The following PTK2B variants were observed in gnomAD, a reference collection of about 807,000 sequenced individuals.
PTK2B encodes protein-tyrosine kinase 2-beta.
A neutral mutation model predicts 142.9 loss-of-function variants in PTK2B; 71 were observed. The observed-to-expected ratio is 0.50, with a 90% CI of 0.41 to 0.61. The LOEUF (loss-of-function observed/expected upper bound fraction) is 0.61, where lower values mean the gene tolerates loss of function less well. PTK2B is among the 20% of genes least tolerant of loss of function. The probability of loss-of-function intolerance (pLI) is 0.00; values close to 1 mark genes in which losing one functional copy is unlikely to be tolerated. For synonymous variants in PTK2B, 519 were observed against 503.4 expected, an observed-to-expected ratio of 1.03 and a Z score of -0.42; for missense variants, 1,105 against 1,320.4, an observed-to-expected ratio of 0.84 and a Z score of 2.53.
intron 24 of PTK2B, 78 bp downstream of exon 24, chr8:27,445,997 C>A: frequency 6.3e-7 from 1 of 1,581,560 alleles, no homozygotes; most frequent in Non-Finnish European, 8.6e-7. Flanking sequence ...CACTGGAAAC[C>A]CCACGTCCTC....
intron 27 of PTK2B, chr8:27,452,074 G>A (rs1811852113): frequency 6.5e-6 from 1 of 153,550 alleles, no homozygotes; most frequent in Non-Finnish European, 1.5e-5. Context: ...ATGGGCCTGG[G>A]ACCATTTATT....
At chr8:27,338,545 A>G (rs1305268479) in intron 1 of PTK2B, among the ~76,000 whole-genome samples, 1 of 152,230 alleles carries the variant, frequency 6.6e-6, no homozygotes, top group East Asian at 1.9e-4. Context: ...CTATGGAAAG[A>G]AAGAAAGAAA....
intron 2 of PTK2B, among the ~76,000 whole-genome samples, chr8:27,408,459 C>T (rs1453204588): frequency 6.6e-6 from 1 of 152,242 alleles, no homozygotes; most frequent in Admixed American, 6.5e-5. Flanking sequence ...CATATTTCTA[C>T]ATGACTGTCC....
At chr8:27,389,287 G>A (rs369175040) in intron 1 of PTK2B, among the ~76,000 whole-genome samples, 23 of 152,134 alleles carry the variant, frequency 1.5e-4, no homozygotes, top group South Asian at 8.3e-4. Context: ...AAAGGAGGGA[G>A]GGAGGGAAGG....
At chr8:27,327,463 C>T (rs956262115) in intron 1 of PTK2B, among the ~76,000 whole-genome samples, 3 of 152,064 alleles carry the variant, frequency 2.0e-5, no homozygotes, top group Admixed American at 1.3e-4. Context: ...CATACTTATA[C>T]TCAAACATTA....
At chr8:27,453,258 C>A in intron 28 of PTK2B, 98 bp downstream of exon 28, 1 of 1,512,230 alleles carries the variant, frequency 6.6e-7, no homozygotes, top group African/African-American at 1.4e-5. Context: ...CAGATAGAAT[C>A]CAGTTCAGTG....
intron 1 of PTK2B, among the ~76,000 whole-genome samples, chr8:27,331,030 TTC>T (rs1803714706): frequency 6.6e-6 from 1 of 152,132 alleles, no homozygotes; most frequent in Non-Finnish European, 1.5e-5. Context: ...CCCTCTCCAG[TTC>T]TCTCTCTTCC....
intron 3 of PTK2B, among the ~76,000 whole-genome samples, chr8:27,316,509 A>G (rs974389885): frequency 6.6e-6 from 1 of 152,272 alleles, no homozygotes; most frequent in African/African-American, 2.4e-5. Flanking sequence ...TTAATATCAG[A>G]CAAAGCAGAT....
At chr8:27,418,625 G>A (rs1049730563) in intron 2 of PTK2B, among the ~76,000 whole-genome samples, 1 of 152,212 alleles carries the variant, frequency 6.6e-6, no homozygotes, top group Non-Finnish European at 1.5e-5. Flanking sequence ...ACAGAGATAC[G>A]TCGGTGCCTT....
intron 24 of PTK2B, among the ~76,000 whole-genome samples, chr8:27,447,317 A>G (rs548177697): frequency 6.6e-6 from 1 of 152,362 alleles, no homozygotes; most frequent in South Asian, 2.1e-4. Flanking sequence ...TATAAGCTCC[A>G]TTTTATGACA....
intron 1 of PTK2B, among the ~76,000 whole-genome samples, chr8:27,342,216 C>T (rs2130108826): frequency 6.6e-6 from 1 of 152,220 alleles, no homozygotes; most frequent in South Asian, 2.1e-4. Context: ...GATTTTGAGA[C>T]ACTTCTGTGC....
At chr8:27,387,512 C>T (rs976263683) in intron 1 of PTK2B, among the ~76,000 whole-genome samples, 4 of 152,214 alleles carry the variant, frequency 2.6e-5, no homozygotes, top group Admixed American at 2.6e-4. Flanking sequence ...TCCCATGACT[C>T]ACTCTCTCTT....
intron 1 of PTK2B, among the ~76,000 whole-genome samples, chr8:27,334,403 C>T (rs1020374794): frequency 6.6e-6 from 1 of 152,156 alleles, no homozygotes; most frequent in Non-Finnish European, 1.5e-5. Flanking sequence ...CTGCTCAAGT[C>T]CTGTGTTCTG....
chr8:27,335,822 T>G (rs983990500), intron 1 of PTK2B, among the ~76,000 whole-genome samples: 1 of 152,126 alleles, frequency 6.6e-6, no homozygotes, highest in African/African-American at 2.4e-5. Flanking sequence ...TATTTGTATG[T>G]GCAATCAGGG....
rs1207183278 is a variant in PTK2B at position 27,454,200 on chromosome 8, A to G, written c.2642A>G (p.Tyr881Cys). The change falls in exon 29 of 31, where the codon TAC becomes TGC. Residue 881 changes from tyrosine (Y) to cysteine (C), a missense_variant. Tyr to Cys is a radical substitution (Grantham distance 194). Coordinates refer to ENST00000346049, the MANE Select transcript of PTK2B (RefSeq NM_173176.3). ...CTGGACCGGACTGATGACCTGGTGT[A>G]CCTCAATGTCATGGAGCTGGTGCGG... ...ANLDRTDDLV[Y>C]LNVMELVRAV... is the part of the protein sequence containing the mutation. 1.9e-6 allele frequency: 3 copies of G among 1,614,034 alleles called. No individual in the cohort carries two copies. The highest frequency in any genetic ancestry group is 8.5e-7 in the Non-Finnish European group (1 of 1,179,986).
chr8:27,383,036 G>A (rs1334563927), intron 1 of PTK2B, among the ~76,000 whole-genome samples: 3 of 152,044 alleles, frequency 2.0e-5, no homozygotes, highest in Admixed American at 6.6e-5. Flanking sequence ...GCTATTTGGG[G>A]TATTTTTTGA....
chr8:27,403,338 ACATAGTTACTC>A (rs147505517), intron 2 of PTK2B, among the ~76,000 whole-genome samples: 3,329 of 152,226 alleles, frequency 0.022, 124 homozygotes, highest in African/African-American at 0.076. Flanking sequence ...CATTTCCAAA[ACATAGTTACTC>A]CATGCATATT....
At chr8:27,414,924 A>G (rs1331428370) in intron 2 of PTK2B, among the ~76,000 whole-genome samples, 1 of 152,102 alleles carries the variant, frequency 6.6e-6, no homozygotes, top group Admixed American at 6.5e-5. Flanking sequence ...ACCACCTCCA[A>G]AGGAAGGAAA....
At chr8:27,413,618 G>A (rs937629119) in intron 2 of PTK2B, among the ~76,000 whole-genome samples, 1 of 152,162 alleles carries the variant, frequency 6.6e-6, no homozygotes, top group Admixed American at 6.5e-5. Context: ...GGTGCATCGA[G>A]ACAGGAAGCC....
Sources: allele counts gnomAD v4.1 joint callset (sites outside exome capture counted in the v4.1 genomes callset), GRCh38; gene constraint gnomAD v4.1.1; transcripts MANE v1.5; gene names NCBI Gene and HGNC (gene_info 2026-07-23, HGNC 2026-07-21).